The following EPHX1 variants were observed in gnomAD, a reference collection of about 807,000 sequenced individuals.
EPHX1 encodes the protein epoxide hydrolase 1, also known as epoxide hydratase.
A neutral mutation model predicts 43.2 loss-of-function variants in EPHX1; 40 were observed. The observed-to-expected ratio is 0.93, with a 90% CI of 0.72 to 1.21. EPHX1 has a LOEUF of 1.21. Among genes scored for constraint, EPHX1 ranks in the 50% most tolerant of loss-of-function variants. The probability of loss-of-function intolerance (pLI) is 0.00; values close to 1 mark genes in which losing one functional copy is unlikely to be tolerated. For synonymous variants in EPHX1, 221 were observed against 226.7 expected (o/e 0.98, Z 0.22); for missense variants, 550 against 570.4 (o/e 0.96, Z 0.36).
At chr1:225,832,322 G>A (rs764569712) in intron 3 of EPHX1, among the ~76,000 whole-genome samples, 1 of 152,158 alleles carries the variant, frequency 6.6e-6, no homozygotes, top group Non-Finnish European at 1.5e-5. Flanking sequence ...GGTAGATCAC[G>A]AGGTCAAGAG....
intron 1 of EPHX1, among the ~76,000 whole-genome samples, chr1:225,813,454 GGATCCAGCCACACC>G (rs1027870789): frequency 3.9e-5 from 6 of 152,332 alleles, no homozygotes; most frequent in African/African-American, 1.4e-4. Context: ...GCGTTGCCAA[GGATCCAGCCACACC>G]CCTCTCCTGA....
At chr1:225,816,669 G>A (rs947617871) in intron 1 of EPHX1, among the ~76,000 whole-genome samples, 3 of 152,156 alleles carry the variant, frequency 2.0e-5, no homozygotes, top group Non-Finnish European at 2.9e-5. Flanking sequence ...CAGCCCACCC[G>A]CGTGGCCTTC....
rs4149227 is a variant in EPHX1 at position 225,844,829 on chromosome 1, C to A, written c.1166+206C>A. The stretch of plus-strand genomic sequence containing the variant: ...GACCAGGTGCCTGGCTCCCGGGCGG[C>A]CCTCAGTACCGCTCCCCAGTCTAGG... On this transcript the variant is annotated intron_variant, in intron 8 of 8. Transcript: ENST00000272167. Among the ~76,000 whole-genome samples, 6,108 of 152,210 alleles carry A rather than the reference C, an allele frequency of 0.04. 209 individuals are homozygous for A. The highest frequency in any genetic ancestry group is 0.15 in the East Asian group (766 of 5,152).
Position 225,817,191 on chromosome 1 carries a change from G to C in EPHX1, c.-6+7022G>C, listed in dbSNP as rs1366148459. 1.3e-5 allele frequency among the ~76,000 whole-genome samples: 2 copies of C among 152,172 alleles called. No homozygotes were observed. The highest frequency in any genetic ancestry group is 2.9e-5 in the Non-Finnish European group (2 of 68,014). On this transcript the variant is annotated intron_variant, in intron 1 of 8. Transcript: ENST00000272167. The surrounding 1 kb of genome is among the most constrained non-coding windows in gnomAD (Gnocchi z 5.7). ...GCCTCTTCCATCCTGAGTCTCCAGG[G>C]GTCCCTGGGGTTCAGGGACAATGGC... is the stretch of plus-strand genomic sequence containing the variant.
chr1:225,811,184 G>A (rs1387020007), intron 1 of EPHX1, among the ~76,000 whole-genome samples: 1 of 152,168 alleles, frequency 6.6e-6, no homozygotes, highest in South Asian at 2.1e-4. Context: ...CCGAGTGGCC[G>A]CCTGCCTCCC....
intron 1 of EPHX1, among the ~76,000 whole-genome samples, chr1:225,813,218 A>C (rs1666567967): frequency 6.6e-6 from 1 of 152,206 alleles, no homozygotes; most frequent in African/African-American, 2.4e-5. Context: ...AACTAGAGTG[A>C]AGGCCCTGGC....
At chr1:225,843,557 G>A (rs1668622233) in intron 7 of EPHX1, among the ~76,000 whole-genome samples, 1 of 152,184 alleles carries the variant, frequency 6.6e-6, no homozygotes, top group Non-Finnish European at 1.5e-5. Flanking sequence ...GGTCTGGCCT[G>A]CTCCTTGCAC....
At chr1:225,830,687 A>T (rs561254540) in intron 2 of EPHX1, among the ~76,000 whole-genome samples, 1 of 152,082 alleles carries the variant, frequency 6.6e-6, no homozygotes, top group South Asian at 2.1e-4. Context: ...CTGGTCTCGA[A>T]CTCCTGACTT....
At chr1:225,828,586 T>C (rs891675531) in intron 1 of EPHX1, 139 bp from the exon 2 acceptor site, 6 of 553,016 alleles carry the variant, frequency 1.1e-5, no homozygotes, top group Non-Finnish European at 1.9e-5. Flanking sequence ...ATAATATGTA[T>C]ATATTAGGTC....
chr1:225,838,582 T>TG (rs35305823), intron 3 of EPHX1, 72 bp from the exon 4 acceptor site: 16 of 1,372,878 alleles, frequency 1.2e-5, no homozygotes, highest in Admixed American at 1.7e-5. Context: ...ATCTAGGCTC[T>TG]GGGGGGTGCC....
chr1:225,811,092 T>C (rs1666457943), intron 1 of EPHX1, among the ~76,000 whole-genome samples: 1 of 152,138 alleles, frequency 6.6e-6, no homozygotes, highest in South Asian at 2.1e-4. Context: ...TCTCCTCTTG[T>C]AGAACAGGAA....
chr1:225,816,560 C>T (rs1373120693), intron 1 of EPHX1, among the ~76,000 whole-genome samples: 1 of 152,178 alleles, frequency 6.6e-6, no homozygotes. Context: ...GCATGTGGGG[C>T]ATCTCTCGGT....
intron 1 of EPHX1, among the ~76,000 whole-genome samples, chr1:225,823,438 A>C (rs775701677): frequency 4.6e-5 from 7 of 152,208 alleles, no homozygotes; most frequent in African/African-American, 7.2e-5. Flanking sequence ...CGGGAAACCC[A>C]GGCTGGCTCC....
chr1:225,822,657 G>A (rs1667026526), intron 1 of EPHX1, among the ~76,000 whole-genome samples: 1 of 152,212 alleles, frequency 6.6e-6, no homozygotes, highest in Non-Finnish European at 1.5e-5. Context: ...CCTTGGAAAG[G>A]TGAAGGCTTA....
intron 4 of EPHX1, 60 bp from the exon 5 acceptor site, chr1:225,839,157 G>C: frequency 6.2e-7 from 1 of 1,612,218 alleles, no homozygotes; most frequent in Non-Finnish European, 8.5e-7. Flanking sequence ...AACACCAGAG[G>C]GCCCAAGGAG....
At chr1:225,838,567 T>A in intron 3 of EPHX1, 87 bp from the exon 4 acceptor site, 1 of 1,196,594 alleles carries the variant, frequency 8.4e-7, no homozygotes, top group Non-Finnish European at 1.2e-6. Flanking sequence ...GTGGCAGGAC[T>A]CAATATCTAG....
chr1:225,839,400 T>G, intron 5 of EPHX1, 54 bp downstream of exon 5: 1 of 1,591,152 alleles, frequency 6.3e-7, no homozygotes, highest in Non-Finnish European at 8.6e-7. Context: ...TGTGTGTGTG[T>G]GTCCTCTAAG....
At position 225,842,614 on chromosome 1, in the gene EPHX1, T is replaced by C. The variant is rs999397569; in HGVS notation, c.1040+140T>C. 17 of 748,448 alleles carry C rather than the reference T, an allele frequency of 2.3e-5. No individual in the cohort carries two copies. The African/African-American group carries it at 2.7e-4, about 12-fold the overall frequency. The allele number at this position is 748,448 out of a possible 1,614,324, so 46.4% of individuals were successfully genotyped here. On this transcript the variant is annotated intron_variant, in intron 7 of 8. Transcript: ENST00000272167. ...TTGGCTTTCTTACAAATCCTCACCC[T>C]GTGACCAACGTAGCTGCATTTTTTG...
At chr1:225,840,068 C>T in intron 6 of EPHX1, 31 bp downstream of exon 6, 2 of 1,609,056 alleles carry the variant, frequency 1.2e-6, no homozygotes, top group Admixed American at 1.7e-5. Context: ...TCGCCCACTG[C>T]CGGCTCCACT....
Sources: gnomAD v4.1 joint callset for allele counts (sites outside exome capture counted in the v4.1 genomes callset) on GRCh38, gnomAD v4.1.1 for gene constraint, Gnocchi (gnomAD v3.1) non-coding constraint, MANE v1.5 for transcripts, NCBI Gene and HGNC (gene_info 2026-07-23, HGNC 2026-07-21) for gene names.